FCHSD2: variants seen among roughly 807,000 people sequenced by gnomAD.
FCHSD2 encodes the protein FCH and double SH3 domains 2.
In FCHSD2, 38 loss-of-function variants were observed where a neutral mutation model predicts 108.1. The ratio of observed to expected loss-of-function variants is 0.35; its 90% confidence interval spans 0.27 to 0.46. The LOEUF (loss-of-function observed/expected upper bound fraction) is 0.46. Among genes scored for constraint, FCHSD2 ranks in the 20% least tolerant of loss-of-function variants. The pLI is 1.00. For synonymous variants in FCHSD2, 279 were observed against 314.7 expected, an observed-to-expected ratio of 0.89 and a Z score of 1.20; for missense variants, 751 against 897.8, an observed-to-expected ratio of 0.84 and a Z score of 2.09.
chr11:72,976,532 C>T (rs978651249), intron 8 of FCHSD2, among the ~76,000 whole-genome samples: 6 of 152,116 alleles, frequency 3.9e-5, no homozygotes, highest in South Asian at 2.1e-4. Context: ...CTCCCACCCC[C>T]GCCTTCCAAA....
In FCHSD2 at chr11:72,890,734, G is replaced by A. The variant is rs1235086273; in HGVS notation, c.925-789C>T. On this transcript the variant is annotated intron_variant, in intron 10 of 19. Coordinates refer to ENST00000409418, the MANE Select transcript of FCHSD2 (RefSeq NM_014824.3). ...ACATCATTTTATAGAAAAGAAAACA[G>A]AGGCTCAGAGAGGTTAATTTTTCCT... is the stretch of plus-strand genomic sequence containing the variant. Among the ~76,000 whole-genome samples the A allele has an allele frequency of 4.0e-5, 6 of 151,364 alleles. 1 individual carries two copies. The highest frequency in any genetic ancestry group is 3.9e-4 in the Admixed American group (6 of 15,216).
intron 3 of FCHSD2, among the ~76,000 whole-genome samples, chr11:73,027,130 G>C (rs1232454458): frequency 2.0e-5 from 3 of 152,216 alleles, no homozygotes; most frequent in Admixed American, 1.3e-4. Context: ...GGTTGGAACA[G>C]TTTGGAGGGC....
intron 12 of FCHSD2, among the ~76,000 whole-genome samples, chr11:72,877,638 T>C (rs1854997110): frequency 6.6e-6 from 1 of 152,230 alleles, no homozygotes; most frequent in African/African-American, 2.4e-5. Flanking sequence ...AAACTTTCAA[T>C]AGTTTACTAT....
chr11:73,014,327 C>T (rs1341844637), intron 4 of FCHSD2, among the ~76,000 whole-genome samples: 2 of 152,036 alleles, frequency 1.3e-5, no homozygotes, highest in Non-Finnish European at 1.5e-5. Flanking sequence ...TGGAGTATCA[C>T]TATACTGCCC....
intron 8 of FCHSD2, among the ~76,000 whole-genome samples, chr11:72,936,485 A>G (rs1206503952): frequency 6.6e-6 from 1 of 152,238 alleles, no homozygotes; most frequent in Non-Finnish European, 1.5e-5. Flanking sequence ...ATCAAACTCA[A>G]GAATCTCGAC....
chr11:73,075,930 G>T (rs1227387004), intron 3 of FCHSD2, among the ~76,000 whole-genome samples: 1 of 152,000 alleles, frequency 6.6e-6, no homozygotes, highest in Non-Finnish European at 1.5e-5. Flanking sequence ...ACCAGCCTGG[G>T]CAACGTGGCA....
chr11:73,068,245 T>A lies in FCHSD2; in HGVS notation c.165+15450A>T, dbSNP rs377733683. 2.6e-5 allele frequency among the ~76,000 whole-genome samples: 4 copies of A among 151,786 alleles called. No individual in the cohort carries two copies. The East Asian group carries it at 5.8e-4, about 22-fold the overall frequency. On this transcript the variant is annotated intron_variant, in intron 3 of 19. Coordinates refer to ENST00000409418, the MANE Select transcript of FCHSD2 (RefSeq NM_014824.3). Reference sequence around the variant, plus strand: ...TTTCTTCTTTAAAAATATGCCATTATGTGCATGTTCTCGCTTGTGAGTGGG... The same window carrying A: ...TTTCTTCTTTAAAAATATGCCATTAAGTGCATGTTCTCGCTTGTGAGTGGG...
At chr11:72,977,222 C>A (rs554945608) in intron 8 of FCHSD2, among the ~76,000 whole-genome samples, 16 of 152,106 alleles carry the variant, frequency 1.1e-4, no homozygotes, top group African/African-American at 3.6e-4. Flanking sequence ...ACACCCAGCC[C>A]AAAACTATTA....
At position 73,051,908 on chromosome 11, in the gene FCHSD2, CACACACA is replaced by C. The variant is rs747227530; in HGVS notation, c.165+31780_165+31786del. Among the ~76,000 whole-genome samples the C allele has an allele frequency of 1.6e-3, 228 of 143,262 alleles. 2 individuals carry two copies. The highest frequency in any genetic ancestry group is 2.1e-3 in the African/African-American group (80 of 38,250). 94.0% of individuals were successfully genotyped at this position (143,262 alleles called of 152,430 possible). ...ACACACACACACACACACACACACACACACACACCCCACACACACTGACATCAGGGAA... is the reference window on the plus strand; with the variant it reads ...ACACACACACACACACACACACACACCCCCACACACACTGACATCAGGGAA... On this transcript the variant is annotated intron_variant, in intron 3 of 19. Coordinates refer to ENST00000409418, the MANE Select transcript of FCHSD2 (RefSeq NM_014824.3).
intron 8 of FCHSD2, among the ~76,000 whole-genome samples, chr11:72,942,399 T>C (rs1404241743): frequency 6.6e-6 from 1 of 152,246 alleles, no homozygotes; most frequent in South Asian, 2.1e-4. Context: ...CCCAGCCTTG[T>C]GTATTTCTTT....
At chr11:73,064,162 T>A (rs984471338) in intron 3 of FCHSD2, among the ~76,000 whole-genome samples, 1 of 152,144 alleles carries the variant, frequency 6.6e-6, no homozygotes, top group East Asian at 1.9e-4. Flanking sequence ...ACATGGAAAT[T>A]GAACAACCTG....
intron 9 of FCHSD2, among the ~76,000 whole-genome samples, chr11:72,918,891 C>T (rs890847685): frequency 6.6e-6 from 1 of 152,138 alleles, no homozygotes; most frequent in Middle Eastern, 3.4e-3. Context: ...GAGAAAATAC[C>T]TATGACAACA....
intron 3 of FCHSD2, among the ~76,000 whole-genome samples, chr11:73,063,359 A>T (rs1859211948): frequency 6.6e-6 from 1 of 152,164 alleles, no homozygotes; most frequent in Non-Finnish European, 1.5e-5. Flanking sequence ...GAACATCAAC[A>T]CTATGAAGAA....
At chr11:73,057,361 G>A (rs1188279623) in intron 3 of FCHSD2, among the ~76,000 whole-genome samples, 1 of 152,110 alleles carries the variant, frequency 6.6e-6, no homozygotes, top group Non-Finnish European at 1.5e-5. Flanking sequence ...AAACAGCCAG[G>A]TAATCTCCTT....
intron 10 of FCHSD2, among the ~76,000 whole-genome samples, chr11:72,892,654 G>C (rs1435233631): frequency 6.6e-6 from 1 of 152,182 alleles, no homozygotes; most frequent in African/African-American, 2.4e-5. Context: ...GGCCAGGCTG[G>C]AGTGCAGTGG....
chr11:72,893,732 AGGG>A (rs1855364935), intron 10 of FCHSD2, among the ~76,000 whole-genome samples: 1 of 151,544 alleles, frequency 6.6e-6, no homozygotes, highest in African/African-American at 2.4e-5. Flanking sequence ...TAGGCTACAG[AGGG>A]AGACTCTGTC....
intron 8 of FCHSD2, among the ~76,000 whole-genome samples, chr11:72,945,804 A>G (rs1034453058): frequency 6.6e-6 from 1 of 152,270 alleles, no homozygotes; most frequent in African/African-American, 2.4e-5. Context: ...AATGCTCATC[A>G]TCAATGGACA....
chr11:73,028,336 G>A (rs1230815825), intron 3 of FCHSD2, among the ~76,000 whole-genome samples: 1 of 152,178 alleles, frequency 6.6e-6, no homozygotes, highest in Non-Finnish European at 1.5e-5. Context: ...GATTATTTTG[G>A]AGCTTTTACT....
At chr11:72,840,995 AGT>A (rs1276678586) in intron 18 of FCHSD2, 36 bp from the exon 19 acceptor site, 2 of 1,513,374 alleles carry the variant, frequency 1.3e-6, no homozygotes, top group Admixed American at 1.7e-5. Context: ...ATTTTACTTG[AGT>A]TGTTGAGCAA....
Sources: gnomAD v4.1 joint callset for allele counts (sites outside exome capture counted in the v4.1 genomes callset) on GRCh38, gnomAD v4.1.1 for gene constraint, MANE v1.5 for transcripts, NCBI Gene and HGNC (gene_info 2026-07-23, HGNC 2026-07-21) for gene names.